ADAMTS6: variants seen among roughly 807,000 people sequenced by gnomAD.
The protein encoded by ADAMTS6 is ADAM metallopeptidase with thrombospondin type 1 motif 6, also known as A disintegrin and metalloproteinase with thrombospondin motifs 6.
ADAMTS6 carries 23 observed loss-of-function variants against 144.3 expected under a neutral mutation model. The ratio of observed to expected loss-of-function variants is 0.16; its 90% CI spans 0.11 to 0.23. The LOEUF is 0.23. Among genes scored for constraint, ADAMTS6 ranks in the 10% least tolerant of loss-of-function variants. The pLI, the probability that ADAMTS6 is intolerant of heterozygous loss-of-function variation, is 1.00. For missense variants in ADAMTS6, 999 were observed against 1,379.6 expected (o/e 0.72, Z 4.37); for synonymous variants, 444 against 457.5 (o/e 0.97, Z 0.38).
rs1404902388 is a variant in ADAMTS6, at chr5:65,285,131, T to A, written c.1512+6198A>T. ...AACATGGGTTTTCCAGATTACAGAA[T>A]TACATTTGTTTCCTAAGACATAATA... On this transcript the variant is annotated intron_variant, in intron 11 of 24. Transcript: ENST00000381055. 2.0e-5 allele frequency among the ~76,000 whole-genome samples: 3 copies of A among 152,314 alleles called. No homozygotes were observed. In the East Asian group the frequency reaches 5.8e-4, roughly 29 times the overall value.
chr5:65,379,745 T>C (rs746700978), intron 7 of ADAMTS6, among the ~76,000 whole-genome samples: 2 of 152,014 alleles, frequency 1.3e-5, no homozygotes, highest in Non-Finnish European at 2.9e-5. Flanking sequence ...GTGTCCCCGC[T>C]TTCTCCTCTC....
chr5:65,205,991 A>T (rs1756059836), intron 20 of ADAMTS6, among the ~76,000 whole-genome samples: 1 of 152,210 alleles, frequency 6.6e-6, no homozygotes, highest in Non-Finnish European at 1.5e-5. Context: ...AATTCTGAAC[A>T]TCACCAGGGC....
intron 7 of ADAMTS6, among the ~76,000 whole-genome samples, chr5:65,367,309 G>A (rs548879525): frequency 6.6e-6 from 1 of 152,034 alleles, no homozygotes; most frequent in Non-Finnish European, 1.5e-5. Context: ...TCCTGAGCTA[G>A]AATAAATCAT....
intron 9 of ADAMTS6, among the ~76,000 whole-genome samples, chr5:65,316,480 A>C (rs1164579991): frequency 1.3e-5 from 2 of 152,212 alleles, no homozygotes; most frequent in Non-Finnish European, 2.9e-5. Context: ...ACTAAAACCT[A>C]GTTATATCTG....
rs200083594 is a variant in ADAMTS6 at position 65,201,766 on chromosome 5, GA to G, written c.2576-4616del. On this transcript the variant is annotated intron_variant, in intron 20 of 24. Coordinates refer to ENST00000381055, the MANE Select transcript of ADAMTS6 (RefSeq NM_197941.4). ...CAAGAAACAGTTTTCTGAAGAGAAG[GA>G]GGTAACATTAAAAAGTCAGAGCTTG... 9.7e-3 allele frequency among the ~76,000 whole-genome samples: 1,479 copies of G among 152,284 alleles called. 16 individuals are homozygous for G. Among genetic ancestry groups the G allele is most frequent in the African/African-American group, 0.023 (958 of 41,564 alleles).
chr5:65,213,771 T>C (rs974622943), intron 20 of ADAMTS6, among the ~76,000 whole-genome samples: 2 of 152,240 alleles, frequency 1.3e-5, no homozygotes, highest in Non-Finnish European at 2.9e-5. Flanking sequence ...GGATGAAGTC[T>C]ATATAAAAAT....
intron 24 of ADAMTS6, among the ~76,000 whole-genome samples, chr5:65,162,203 TGATTATGCATTATAGAGAA>T (rs147991246): frequency 3.4e-4 from 52 of 152,358 alleles, no homozygotes; most frequent in Admixed American, 2.4e-3. Context: ...TTATCTATAA[TGATTATGCATTATAGAGAA>T]GATTTTGGAG....
intron 7 of ADAMTS6, among the ~76,000 whole-genome samples, chr5:65,374,175 A>T (rs1751272822): frequency 6.6e-6 from 1 of 152,206 alleles, no homozygotes; most frequent in Non-Finnish European, 1.5e-5. Flanking sequence ...AAAAACTGGA[A>T]GCATTCCCTT....
intron 7 of ADAMTS6, among the ~76,000 whole-genome samples, chr5:65,393,802 A>C (rs933373820): frequency 2.0e-5 from 3 of 152,264 alleles, no homozygotes; most frequent in Non-Finnish European, 4.4e-5. Context: ...TGTGTAAAAC[A>C]ATCTTTCCAA....
intron 22 of ADAMTS6, among the ~76,000 whole-genome samples, chr5:65,182,320 A>T (rs1005768065): frequency 6.6e-6 from 1 of 151,776 alleles, no homozygotes; most frequent in Non-Finnish European, 1.5e-5. Flanking sequence ...GTGTGGTGGC[A>T]CGTGCCTGTA....
At chr5:65,470,696 T>A (rs114290460) in intron 3 of ADAMTS6, 82 bp downstream of exon 3, 83,293 of 1,166,172 alleles carry the variant, frequency 0.071, 4,519 homozygotes, top group African/African-American at 0.28. Context: ...ATATATATTT[T>A]TTTTTTAATC....
chr5:65,403,095 AAACT>A (rs1754081556), intron 7 of ADAMTS6, among the ~76,000 whole-genome samples: 1 of 152,116 alleles, frequency 6.6e-6, no homozygotes, highest in Admixed American at 6.6e-5. Flanking sequence ...CATTTTACTC[AAACT>A]ATCACAGTCA....
At chr5:65,339,825 A>G (rs1309837191) in intron 7 of ADAMTS6, among the ~76,000 whole-genome samples, 1 of 152,050 alleles carries the variant, frequency 6.6e-6, no homozygotes, top group Non-Finnish European at 1.5e-5. Flanking sequence ...AGAAAGAAAA[A>G]GGAACAAAAA....
chr5:65,442,529 A>G (rs1238601479), intron 7 of ADAMTS6, among the ~76,000 whole-genome samples: 1 of 152,186 alleles, frequency 6.6e-6, no homozygotes, highest in Non-Finnish European at 1.5e-5. Context: ...AGAAGGAACT[A>G]TCTCATAACT....
chr5:65,270,093 C>T (rs1421302864), intron 12 of ADAMTS6, among the ~76,000 whole-genome samples: 1 of 152,076 alleles, frequency 6.6e-6, no homozygotes, highest in Non-Finnish European at 1.5e-5. Context: ...CAGGCCCGGC[C>T]GTAAGTACTT....
chr5:65,307,558 C>T (rs1408371366), intron 9 of ADAMTS6, among the ~76,000 whole-genome samples: 1 of 152,080 alleles, frequency 6.6e-6, no homozygotes, highest in Non-Finnish European at 1.5e-5. Flanking sequence ...TTTTTCTGCC[C>T]GTTTGTTCCT....
chr5:65,473,529 C>T lies in ADAMTS6; in HGVS notation c.97+48G>A. The T allele has an allele frequency of 2.7e-6, 4 of 1,493,682 alleles. No individual in the cohort carries two copies. In the Middle Eastern group the frequency reaches 5.2e-4, roughly 194 times the overall value. The allele number at this position is 1,493,682 out of a possible 1,614,324, so 92.5% of individuals were successfully genotyped here. On this transcript the variant is annotated intron_variant, in intron 2 of 24. Coordinates refer to ENST00000381055, the MANE Select transcript of ADAMTS6 (RefSeq NM_197941.4). ...CTAAATATGCAGAATCTTTTCTTGT[C>T]CAATTAATAGCAATATTTTTTGTCA...
chr5:65,272,842 G>T (rs947070639), intron 12 of ADAMTS6, among the ~76,000 whole-genome samples: 2 of 151,334 alleles, frequency 1.3e-5, no homozygotes, highest in Admixed American at 6.6e-5. Flanking sequence ...GATTGCTTGA[G>T]CCCCAGAGGT....
At chr5:65,213,610 G>A (rs1010348216) in intron 20 of ADAMTS6, among the ~76,000 whole-genome samples, 3 of 151,134 alleles carry the variant, frequency 2.0e-5, no homozygotes, top group African/African-American at 7.3e-5. Flanking sequence ...ACTCCAGCTT[G>A]GGCAACAGAG....
Sources: gnomAD v4.1 joint callset for allele counts (sites outside exome capture counted in the v4.1 genomes callset) on GRCh38, gnomAD v4.1.1 for gene constraint, MANE v1.5 for transcripts, NCBI Gene and HGNC (gene_info 2026-07-23, HGNC 2026-07-21) for gene names.